The following ZDHHC11 variants were observed in gnomAD, a reference collection of about 807,000 sequenced individuals.
ZDHHC11 encodes the protein palmitoyltransferase ZDHHC11.
In ZDHHC11, 44 loss-of-function variants were observed where a neutral mutation model predicts 51.3. That is an observed-to-expected ratio of 0.86 (90% CI 0.67 to 1.10). The LOEUF (loss-of-function observed/expected upper bound fraction) is 1.10. Ranked by LOEUF, ZDHHC11 falls within the 50% of genes least tolerant of loss-of-function variation. The probability of loss-of-function intolerance (pLI) is 0.00; values close to 1 mark genes in which losing one functional copy is unlikely to be tolerated. For synonymous variants in ZDHHC11, 163 were observed against 222.0 expected (o/e 0.73, Z 2.36); for missense variants, 400 against 537.7 (o/e 0.74, Z 2.53).
intron 6 of ZDHHC11, among the ~76,000 whole-genome samples, chr5:834,359 T>G (rs2150369061): frequency 6.6e-6 from 1 of 152,402 alleles, no homozygotes; most frequent in South Asian, 2.1e-4. Context: ...TGTATGTATT[T>G]TTATTTATTT....
chr5:840,755 C>A, intron 4 of ZDHHC11, 105 bp from the exon 5 acceptor site: 1 of 1,575,150 alleles, frequency 6.3e-7, no homozygotes, highest in South Asian at 1.2e-5. Context: ...GGTGTGGGGA[C>A]AGCCAGTGCG....
At chr5:802,991 A>G (rs1162478803) in intron 11 of ZDHHC11, among the ~76,000 whole-genome samples, 4 of 148,960 alleles carry the variant, frequency 2.7e-5, no homozygotes, top group Non-Finnish European at 6.0e-5. Flanking sequence ...ACTGCACTCT[A>G]GCCTGGGCGA....
At chr5:819,486 G>A (rs755016211) in intron 10 of ZDHHC11, 39 bp downstream of exon 10, 19 of 1,590,296 alleles carry the variant, frequency 1.2e-5, no homozygotes, top group Non-Finnish European at 1.4e-5. Context: ...TCTGCACATG[G>A]CCCTGTCCTC....
At chr5:853,397 A>G (rs1258886241), upstream of ZDHHC11, among the ~76,000 whole-genome samples, 2 of 150,370 alleles carry the variant, frequency 1.3e-5, no homozygotes, top group African/African-American at 4.9e-5. Flanking sequence ...GACAGACCCC[A>G]CAGAGGACAG....
At chr5:851,308 G>A (rs954534005), upstream of ZDHHC11, among the ~76,000 whole-genome samples, 2 of 152,162 alleles carry the variant, frequency 1.3e-5, no homozygotes, top group Admixed American at 6.5e-5. Flanking sequence ...TTCTGAACAC[G>A]CTGCGGCTGC....
At chr5:857,642 C>T (rs1748440854) in intron 1 of ZDHHC11, among the ~76,000 whole-genome samples, 1 of 149,112 alleles carries the variant, frequency 6.7e-6, no homozygotes, top group Admixed American at 6.7e-5. Flanking sequence ...CTGTCCCGGT[C>T]CCATCCCTGT....
Position 847,274 on chromosome 5 carries a change from G to A in ZDHHC11, c.503+240C>T, listed in dbSNP as rs867344615. ...CCAGCGTGGCCCCGCAAGTGCCCCC[G>A]GGGGGCCTCCAGGGACTTACTCTAT... On this transcript the variant is annotated intron_variant, in intron 3 of 12. Coordinates refer to ENST00000283441, the MANE Select transcript of ZDHHC11 (RefSeq NM_024786.3). Among the ~76,000 whole-genome samples, 21 of 151,774 alleles carry A rather than the reference G, an allele frequency of 1.4e-4. 1 individual carries two copies. Among genetic ancestry groups the A allele is most frequent in the African/African-American group, 4.1e-4 (17 of 41,438 alleles).
intron 7 of ZDHHC11, among the ~76,000 whole-genome samples, chr5:829,396 C>G (rs1742772203): frequency 6.6e-6 from 1 of 151,816 alleles, no homozygotes. Flanking sequence ...ACTAGAAAAT[C>G]CAGAGGAGAT....
At chr5:846,158 G>C (rs1182231214) in intron 3 of ZDHHC11, among the ~76,000 whole-genome samples, 1 of 150,730 alleles carries the variant, frequency 6.6e-6, no homozygotes, top group African/African-American at 2.5e-5. Flanking sequence ...CTCTGGACTC[G>C]CTGTGCGGTC....
intron 3 of ZDHHC11, among the ~76,000 whole-genome samples, chr5:844,964 T>C (rs1390704379): frequency 2.0e-5 from 3 of 152,304 alleles, no homozygotes. Flanking sequence ...AAAGTATCCT[T>C]TAACCTCCTT....
chr5:832,163 C>G (rs1743157692), intron 7 of ZDHHC11, among the ~76,000 whole-genome samples: 1 of 117,792 alleles, frequency 8.5e-6, no homozygotes, highest in Non-Finnish European at 1.5e-5. Flanking sequence ...CTCACACAAC[C>G]TGGAGTTGCA....
At chr5:808,701 ATTT>A (rs1161740691) in intron 11 of ZDHHC11, among the ~76,000 whole-genome samples, 2 of 129,234 alleles carry the variant, frequency 1.5e-5, no homozygotes, top group African/African-American at 5.6e-5. Context: ...AACCTAGCTA[ATTT>A]TTTTTTTTTT....
intron 6 of ZDHHC11, among the ~76,000 whole-genome samples, chr5:834,528 T>TTG: frequency 7.8e-6 from 1 of 128,152 alleles, no homozygotes; most frequent in Admixed American, 7.5e-5. Context: ...TTGTTTGTTG[T>TTG]TTTTTTACAA....
chr5:815,912 C>T (rs1740723709), intron 10 of ZDHHC11, among the ~76,000 whole-genome samples: 2 of 151,548 alleles, frequency 1.3e-5, no homozygotes, highest in Admixed American at 6.6e-5. Context: ...CCTGGCTTAT[C>T]TTGTTGATCA....
intron 7 of ZDHHC11, among the ~76,000 whole-genome samples, chr5:832,608 A>AC (rs1743200430): frequency 1.6e-5 from 1 of 61,842 alleles, no homozygotes; most frequent in Admixed American, 1.8e-4. Flanking sequence ...AAAACAAACA[A>AC]ACAAAAAAAT....
chr5:856,126 C>T (rs753663081), intron 1 of ZDHHC11, among the ~76,000 whole-genome samples: 2 of 152,070 alleles, frequency 1.3e-5, no homozygotes, highest in Non-Finnish European at 2.9e-5. Context: ...CCTGTAAGCA[C>T]GTTCATATAC....
At position 849,384 on chromosome 5, in the gene ZDHHC11, C is replaced by T. The variant is rs117900675; in HGVS notation, c.223-724G>A. Among the ~76,000 whole-genome samples the T allele has an allele frequency of 2.0e-4, 30 of 152,248 alleles. 1 individual carries two copies. In the East Asian group the frequency reaches 5.8e-3, roughly 29 times the overall value. The stretch of plus-strand genomic sequence containing the variant: ...GGGACATCCCAGGTATAAACACAGC[C>T]GGATGCAGCCCCAAAGGCCCTGGAG... On this transcript the variant is annotated intron_variant, in intron 1 of 12. Coordinates refer to ENST00000283441, the MANE Select transcript of ZDHHC11 (RefSeq NM_024786.3).
chr5:834,657 T>C (rs1331241518), intron 6 of ZDHHC11, among the ~76,000 whole-genome samples: 1 of 152,310 alleles, frequency 6.6e-6, no homozygotes, highest in African/African-American at 2.4e-5. Flanking sequence ...TGTGCATTGC[T>C]TTACTGCACT....
At chr5:859,713 C>T (rs72708949), upstream of ZDHHC11, among the ~76,000 whole-genome samples, 9,592 of 152,276 alleles carry the variant, frequency 0.063, 448 homozygotes, top group Non-Finnish European at 0.094. Context: ...TAACTCGGAG[C>T]ACAGCTTCAC....
Sources: gnomAD v4.1 joint callset for allele counts (sites outside exome capture counted in the v4.1 genomes callset) on GRCh38, gnomAD v4.1.1 for gene constraint, MANE v1.5 for transcripts, NCBI Gene and HGNC (gene_info 2026-07-23, HGNC 2026-07-21) for gene names.